FIG4: variants seen among roughly 807,000 people sequenced by gnomAD.
FIG4 encodes the protein FIG4 phosphoinositide 5-phosphatase.
In FIG4, 112 loss-of-function variants were observed where a neutral mutation model predicts 118.6. That is an observed-to-expected ratio of 0.94 (90% CI 0.81 to 1.11). FIG4 has a LOEUF of 1.11. FIG4 is among the 50% of genes least tolerant of loss of function. The pLI is 0.00. For synonymous variants in FIG4, 369 were observed against 381.2 expected (o/e 0.97, Z 0.37); for missense variants, 969 against 1,111.7 (o/e 0.87, Z 1.83).
chr6:109,750,822 C>G (rs1356987293), intron 10 of FIG4, among the ~76,000 whole-genome samples: 1 of 152,078 alleles, frequency 6.6e-6, no homozygotes, highest in Non-Finnish European at 1.5e-5. Flanking sequence ...ACAACATTTC[C>G]TCTCCATCCC....
Position 109,770,252 on chromosome 6 carries a change from C to T in FIG4, c.1750+3357C>T, listed in dbSNP as rs569723097. Among the ~76,000 whole-genome samples the T allele has an allele frequency of 1.9e-4, 29 of 151,944 alleles. No individual in the cohort carries two copies. In the South Asian group the frequency reaches 6.0e-3, roughly 31 times the overall value. Reference sequence around the variant, plus strand: ...TTTTTTTAAATGCAAATTTTTAAGCCTGGATTTTCTTGCTGGAGCTTGTTG... The same window carrying T: ...TTTTTTTAAATGCAAATTTTTAAGCTTGGATTTTCTTGCTGGAGCTTGTTG... On this transcript the variant is annotated intron_variant, in intron 15 of 22. Coordinates refer to ENST00000230124, the MANE Select transcript of FIG4 (RefSeq NM_014845.6).
At chr6:109,725,670 G>T (rs1448907333) in intron 3 of FIG4, among the ~76,000 whole-genome samples, 1 of 152,138 alleles carries the variant, frequency 6.6e-6, no homozygotes, top group Non-Finnish European at 1.5e-5. Context: ...GATTCTTGAG[G>T]AATCACCACA....
At chr6:109,768,791 C>A (rs1001745710) in intron 15 of FIG4, among the ~76,000 whole-genome samples, 1 of 152,160 alleles carries the variant, frequency 6.6e-6, no homozygotes, top group Non-Finnish European at 1.5e-5. Flanking sequence ...TGCCCACAAA[C>A]ACGGGGGAAA....
chr6:109,721,140 G>C (rs1775595570), intron 3 of FIG4, among the ~76,000 whole-genome samples: 1 of 152,278 alleles, frequency 6.6e-6, no homozygotes, highest in East Asian at 1.9e-4. Context: ...ACGGTACACT[G>C]TGATGGACTA....
intron 11 of FIG4, among the ~76,000 whole-genome samples, chr6:109,760,692 A>G (rs1777079073): frequency 6.6e-6 from 1 of 152,174 alleles, no homozygotes; most frequent in Admixed American, 6.5e-5. Context: ...ACTTTCTCAG[A>G]TGTCACTCGT....
intron 15 of FIG4, 96 bp from the exon 16 acceptor site, chr6:109,776,826 T>C (rs1488181429): frequency 2.1e-6 from 2 of 958,546 alleles, no homozygotes; most frequent in African/African-American, 3.2e-5. Flanking sequence ...GAACTATAAA[T>C]ACTACTTTTG....
chr6:109,717,335 A>G (rs1775464820), intron 3 of FIG4, among the ~76,000 whole-genome samples: 1 of 152,130 alleles, frequency 6.6e-6, no homozygotes. Context: ...CTTCATTTAA[A>G]TTTTACCTGA....
intron 15 of FIG4, among the ~76,000 whole-genome samples, chr6:109,774,646 A>T (rs1777566330): frequency 6.6e-6 from 1 of 152,196 alleles, no homozygotes; most frequent in South Asian, 2.1e-4. Context: ...CTTAACAGAC[A>T]GAAAATGGTA....
intron 8 of FIG4, 116 bp downstream of exon 8, chr6:109,741,660 G>A: frequency 2.6e-6 from 2 of 769,442 alleles, no homozygotes; most frequent in South Asian, 2.8e-5. Flanking sequence ...ATATTATCAA[G>A]AGAATACAGT....
chr6:109,735,915 A>G (rs1218837930), intron 6 of FIG4, among the ~76,000 whole-genome samples: 6 of 151,860 alleles, frequency 4.0e-5, no homozygotes, highest in Non-Finnish European at 7.4e-5. Flanking sequence ...AGTCCTGCAT[A>G]GGTCTTGCCT....
At chr6:109,709,690 T>C (rs899720428) in intron 1 of FIG4, among the ~76,000 whole-genome samples, 2 of 152,210 alleles carry the variant, frequency 1.3e-5, no homozygotes, top group Non-Finnish European at 2.9e-5. Context: ...TAGTTAGCTG[T>C]ATTCCTAGGT....
At chr6:109,816,603 C>T (rs1778868999) in intron 22 of FIG4, among the ~76,000 whole-genome samples, 1 of 152,156 alleles carries the variant, frequency 6.6e-6, no homozygotes, top group Non-Finnish European at 1.5e-5. Flanking sequence ...CTGCACAGAC[C>T]CAGTGCTGTG....
chr6:109,713,365 G>A (rs1054309830), intron 1 of FIG4, among the ~76,000 whole-genome samples: 1 of 152,186 alleles, frequency 6.6e-6, no homozygotes, highest in African/African-American at 2.4e-5. Context: ...TGGTGATCCT[G>A]TTAGCACAGG....
intron 21 of FIG4, among the ~76,000 whole-genome samples, chr6:109,795,627 A>G (rs1236588978): frequency 1.5e-5 from 1 of 65,064 alleles, no homozygotes; most frequent in African/African-American, 4.6e-5. Context: ...TTTTTGAGAC[A>G]GTCTCTCTCT....
intron 22 of FIG4, among the ~76,000 whole-genome samples, chr6:109,824,463 G>A (rs371898518): frequency 6.6e-6 from 1 of 152,144 alleles, no homozygotes; most frequent in Non-Finnish European, 1.5e-5. Context: ...TTTCAGTTGG[G>A]TTATATTTTG....
At chr6:109,761,275 C>G (rs1777096340) in intron 11 of FIG4, among the ~76,000 whole-genome samples, 1 of 152,164 alleles carries the variant, frequency 6.6e-6, no homozygotes, top group Admixed American at 6.5e-5. Context: ...ATTGCAGACT[C>G]TGCCGCCCGG....
At chr6:109,757,903 G>T (rs1457560117) in intron 10 of FIG4, among the ~76,000 whole-genome samples, 2 of 152,088 alleles carry the variant, frequency 1.3e-5, no homozygotes, top group Non-Finnish European at 2.9e-5. Flanking sequence ...CAACTTAAAA[G>T]GGATATGAAG....
chr6:109,804,003 G>A (rs987804595), intron 22 of FIG4, among the ~76,000 whole-genome samples: 1 of 152,048 alleles, frequency 6.6e-6, no homozygotes, highest in Non-Finnish European at 1.5e-5. Context: ...TTTATATGTG[G>A]TTTAAACATT....
At chr6:109,718,366 G>A (rs1449063145) in intron 3 of FIG4, among the ~76,000 whole-genome samples, 1 of 152,216 alleles carries the variant, frequency 6.6e-6, no homozygotes, top group Non-Finnish European at 1.5e-5. Context: ...AACCGTATCA[G>A]TGGTTTCTAC....
Sources: gnomAD v4.1 joint callset for allele counts (sites outside exome capture counted in the v4.1 genomes callset) on GRCh38, gnomAD v4.1.1 for gene constraint, MANE v1.5 for transcripts, NCBI Gene and HGNC (gene_info 2026-07-23, HGNC 2026-07-21) for gene names.